UBR3: variants seen among roughly 807,000 people sequenced by gnomAD.
The protein encoded by UBR3 is ubiquitin protein ligase E3 component n-recognin 3.
Under a neutral mutation model 243.2 loss-of-function variants are expected in UBR3, and 85 were observed. The observed-to-expected ratio is 0.35, with a 90% confidence interval of 0.29 to 0.42. UBR3 has a LOEUF of 0.42. UBR3 is among the 10% of genes least tolerant of loss of function. The pLI is 1.00. For synonymous variants in UBR3, 748 were observed against 799.8 expected, an observed-to-expected ratio of 0.94 and a Z score of 1.09; for missense variants, 1,686 against 2,300.8, an observed-to-expected ratio of 0.73 and a Z score of 5.47.
intron 32 of UBR3, among the ~76,000 whole-genome samples, chr2:170,055,244 C>T (rs553527784): frequency 3.3e-5 from 5 of 152,140 alleles, no homozygotes; most frequent in African/African-American, 1.2e-4. Flanking sequence ...CTTGGGAGGT[C>T]GAGGCTTCAG....
chr2:169,855,997 G>T (rs897908360), intron 1 of UBR3, among the ~76,000 whole-genome samples: 17 of 151,822 alleles, frequency 1.1e-4, no homozygotes, highest in Non-Finnish European at 1.9e-4. Flanking sequence ...CTCCCAGATG[G>T]GGGGGCTGCC....
intron 24 of UBR3, chr2:169,964,848 A>G (rs762444729): frequency 5.0e-5 from 23 of 456,652 alleles, no homozygotes; most frequent in Non-Finnish European, 9.7e-5. Flanking sequence ...CACAGGAAGA[A>G]CAATTGAGGG....
chr2:169,898,481 A>T (rs1170124453), intron 8 of UBR3, among the ~76,000 whole-genome samples: 1 of 152,126 alleles, frequency 6.6e-6, no homozygotes, highest in Non-Finnish European at 1.5e-5. Context: ...TCCATTTTAT[A>T]GATGAGGCAG....
chr2:169,977,977 T>C (rs551234986), intron 24 of UBR3, among the ~76,000 whole-genome samples: 66 of 152,274 alleles, frequency 4.3e-4, no homozygotes, highest in African/African-American at 1.6e-3. Context: ...TCACCTGCAG[T>C]TGAATCTTAG....
intron 23 of UBR3, 21 bp from the exon 24 acceptor site, chr2:169,958,417 C>T (rs923964343): frequency 1.9e-6 from 3 of 1,609,734 alleles, no homozygotes; most frequent in Non-Finnish European, 2.5e-6. Flanking sequence ...ATACTTAAAA[C>T]TTTATTTCTG....
intron 5 of UBR3, among the ~76,000 whole-genome samples, chr2:169,881,945 CATATGT>C (rs2083870971): frequency 9.0e-6 from 1 of 110,932 alleles, no homozygotes; most frequent in Admixed American, 1.0e-4. Context: ...AATATAATTA[CATATGT>C]ATGTATACAT....
chr2:170,033,958 C>G (rs891544585), intron 31 of UBR3, among the ~76,000 whole-genome samples: 1 of 151,016 alleles, frequency 6.6e-6, no homozygotes, highest in South Asian at 2.1e-4. Flanking sequence ...AAAAGACTAT[C>G]TAAAACTTTA....
chr2:169,951,323 G>A (rs565085040), intron 23 of UBR3, among the ~76,000 whole-genome samples: 6 of 152,190 alleles, frequency 3.9e-5, no homozygotes, highest in Admixed American at 2.0e-4. Context: ...TTAAATATAG[G>A]CAGTTATGGG....
chr2:169,852,353 A>C (rs548047139), intron 1 of UBR3, among the ~76,000 whole-genome samples: 12 of 152,234 alleles, frequency 7.9e-5, no homozygotes, highest in African/African-American at 2.9e-4. Flanking sequence ...ATGCTTTTGG[A>C]TCCTTTTGGA....
At chr2:169,944,371 TAAGG>T (rs1286875839) in intron 20 of UBR3, among the ~76,000 whole-genome samples, 2 of 152,214 alleles carry the variant, frequency 1.3e-5, no homozygotes, top group Non-Finnish European at 2.9e-5. Context: ...CATGAAAAAT[TAAGG>T]AAGCCTTATG....
At chr2:170,012,677 T>TG (rs2090121107) in intron 29 of UBR3, among the ~76,000 whole-genome samples, 1 of 150,986 alleles carries the variant, frequency 6.6e-6, no homozygotes, top group Non-Finnish European at 1.5e-5. Context: ...ATACTGGTTT[T>TG]TTTTTTTTTT....
intron 30 of UBR3, among the ~76,000 whole-genome samples, chr2:170,018,584 C>G (rs984769998): frequency 6.6e-6 from 1 of 152,176 alleles, no homozygotes; most frequent in African/African-American, 2.4e-5. Flanking sequence ...AAAAACTTCG[C>G]TGATTCCAGC....
At chr2:170,015,587 G>A (rs2090212144) in intron 30 of UBR3, among the ~76,000 whole-genome samples, 1 of 18,752 alleles carries the variant, frequency 5.3e-5, no homozygotes, top group Non-Finnish European at 1.3e-4. Flanking sequence ...GTGATGCTAA[G>A]TGACGAGGTT....
chr2:169,881,777 TA>T (rs2083847104), intron 5 of UBR3, among the ~76,000 whole-genome samples: 1 of 139,834 alleles, frequency 7.2e-6, no homozygotes, highest in Admixed American at 7.5e-5. Flanking sequence ...ATATATAATA[TA>T]ATATATATGT....
intron 24 of UBR3, among the ~76,000 whole-genome samples, chr2:169,976,749 T>G (rs905956717): frequency 2.6e-5 from 4 of 152,148 alleles, no homozygotes; most frequent in Non-Finnish European, 4.4e-5. Flanking sequence ...CCTTTTTGAG[T>G]CTAATCTATT....
intron 1 of UBR3, among the ~76,000 whole-genome samples, chr2:169,864,440 G>A (rs993796898): frequency 2.6e-5 from 4 of 152,082 alleles, no homozygotes; most frequent in South Asian, 2.1e-4. Context: ...TAAATGGGTC[G>A]CAGATTATTA....
At chr2:170,039,611 TAGTA>T (rs2105430704) in intron 31 of UBR3, among the ~76,000 whole-genome samples, 2 of 152,278 alleles carry the variant, frequency 1.3e-5, no homozygotes, top group African/African-American at 4.8e-5. Flanking sequence ...GCCTGACCTG[TAGTA>T]AGTAATTAGT....
intron 18 of UBR3, among the ~76,000 whole-genome samples, chr2:169,931,350 T>TTA (rs373230834): frequency 2.3e-5 from 2 of 87,570 alleles, no homozygotes; most frequent in African/African-American, 8.9e-5. Flanking sequence ...GAATCTGTCT[T>TTA]AAAAAAAAAA....
chr2:169,970,409 G>A (rs2088071483), intron 24 of UBR3, among the ~76,000 whole-genome samples: 1 of 140,276 alleles, frequency 7.1e-6, no homozygotes, highest in Non-Finnish European at 1.5e-5. Context: ...GTGTCATGCT[G>A]GTGCGCTGCA....
Sources: gnomAD v4.1 joint callset for allele counts (sites outside exome capture counted in the v4.1 genomes callset) on GRCh38, gnomAD v4.1.1 for gene constraint, MANE v1.5 for transcripts, NCBI Gene and HGNC (gene_info 2026-07-23, HGNC 2026-07-21) for gene names.